Variants in RBFOX1 observed in about 807,000 individuals in gnomAD.
RBFOX1 encodes the protein RNA binding fox-1 homolog 1, also known as RNA binding protein fox-1 homolog 1.
A neutral mutation model predicts 57.7 loss-of-function variants in RBFOX1; 8 were observed. The observed-to-expected ratio is 0.14, with a 90% CI of 0.08 to 0.25. The LOEUF is 0.25. Among genes scored for constraint, RBFOX1 ranks in the 10% least tolerant of loss-of-function variants. The pLI is 1.00. For synonymous variants in RBFOX1, 326 were observed against 222.4 expected (o/e 1.47, Z -4.15); for missense variants, 611 against 548.5 (o/e 1.11, Z -1.14).
At chr16:6,477,749 A>G (rs1247973133) in intron 2 of RBFOX1, among the ~76,000 whole-genome samples, 2 of 152,214 alleles carry the variant, frequency 1.3e-5, no homozygotes, top group Non-Finnish European at 2.9e-5. Flanking sequence ...TATAGATACC[A>G]TCTTCTTCCA....
intron 4 of RBFOX1, among the ~76,000 whole-genome samples, chr16:7,459,320 C>T (rs189715523): frequency 1.3e-5 from 2 of 152,162 alleles, no homozygotes; most frequent in Admixed American, 6.5e-5. Context: ...TCCAGAGATC[C>T]TTTTAACTCA....
intron 2 of RBFOX1, among the ~76,000 whole-genome samples, chr16:6,525,099 C>T (rs73530489): frequency 0.067 from 10,206 of 152,178 alleles, 1,173 homozygotes; most frequent in African/African-American, 0.23. Flanking sequence ...AAATTATCAA[C>T]ACAAAACTGT....
rs141011762 is a variant in RBFOX1 at position 7,673,471 on chromosome 16, C to G, written c.931-3303C>G. Among the ~76,000 whole-genome samples, 1,439 of 152,240 alleles carry G rather than the reference C, an allele frequency of 9.5e-3. 24 individuals carry two copies. Among genetic ancestry groups the G allele is most frequent in the African/African-American group, 0.032 (1,316 of 41,546 alleles). On this transcript the variant is annotated intron_variant, in intron 13 of 15. Transcript: ENST00000550418. ...CCTGTAATCCCAGCACTTTGGGAGG[C>G]TGAATTGGGAGGATCGCTTGATCCC...
chr16:7,361,076 G>A (rs561337932), intron 4 of RBFOX1, among the ~76,000 whole-genome samples: 1 of 152,278 alleles, frequency 6.6e-6, no homozygotes, highest in South Asian at 2.1e-4. Flanking sequence ...CTGCCTGCTG[G>A]GGGTTTCTTG....
chr16:6,570,780 T>A (rs1247774960), intron 2 of RBFOX1, among the ~76,000 whole-genome samples: 17 of 152,216 alleles, frequency 1.1e-4, no homozygotes, highest in Admixed American at 6.5e-5. Flanking sequence ...TGGAAATAGC[T>A]AATATTTTTT....
intron 1 of RBFOX1, among the ~76,000 whole-genome samples, chr16:5,402,887 A>AAGAG (rs1179099193): frequency 6.6e-5 from 10 of 152,194 alleles, no homozygotes; most frequent in Non-Finnish European, 1.5e-5. Context: ...ACTAGTAAAC[A>AAGAG]AGAGAGATAA....
At chr16:7,446,085 G>A (rs982227307) in intron 4 of RBFOX1, among the ~76,000 whole-genome samples, 15 of 152,144 alleles carry the variant, frequency 9.9e-5, no homozygotes, top group Non-Finnish European at 2.2e-4. Flanking sequence ...TGAGATCTGG[G>A]TTAACTGGGA....
chr16:6,853,580 C>T (rs760758917), intron 3 of RBFOX1, among the ~76,000 whole-genome samples: 33 of 152,094 alleles, frequency 2.2e-4, no homozygotes, highest in Non-Finnish European at 3.2e-4. Flanking sequence ...GGTTAGCAAA[C>T]GGATTCCTAC....
chr16:7,052,089 G>A lies in RBFOX1; in HGVS notation c.18G>A (p.Glu6=). The change falls in exon 4 of 16, where the codon GAG becomes GAA. Residue 6 remains glutamate (E), a synonymous_variant. Coordinates refer to ENST00000550418, the MANE Select transcript of RBFOX1 (RefSeq NM_018723.4). The part of the protein sequence containing the change: MNCER[E]QLRGNQEAAA... ...GACAACAGATGAATTGTGAAAGAGA[G>A]CAGCTAAGGGTAGGTGCACCTGCTT... 1.2e-6 allele frequency: 2 copies of A among 1,610,912 alleles called. No homozygotes were observed. The highest frequency in any genetic ancestry group is 1.7e-6 in the Non-Finnish European group (2 of 1,179,104).
chr16:5,457,442 C>A (rs1349996840), intron 1 of RBFOX1, among the ~76,000 whole-genome samples: 5 of 152,176 alleles, frequency 3.3e-5, no homozygotes, highest in African/African-American at 1.2e-4. Context: ...GCCCATCTAT[C>A]TCTTTTTATA....
chr16:5,372,901 C>G (rs1039400475), intron 1 of RBFOX1, among the ~76,000 whole-genome samples: 4 of 152,366 alleles, frequency 2.6e-5, no homozygotes, highest in Middle Eastern at 3.4e-3. Flanking sequence ...GTTAGCATGA[C>G]TTCAGCTTCT....
At chr16:7,571,213 G>GAA (rs144811713) in intron 5 of RBFOX1, among the ~76,000 whole-genome samples, 58,209 of 151,030 alleles carry the variant, frequency 0.39, 11,559 homozygotes, top group South Asian at 0.53. Context: ...ACTTAAGGAA[G>GAA]AAAAAAAAAT....
intron 4 of RBFOX1, among the ~76,000 whole-genome samples, chr16:5,957,299 C>T (rs1300130127): frequency 6.6e-6 from 1 of 152,194 alleles, no homozygotes; most frequent in Non-Finnish European, 1.5e-5. Flanking sequence ...ACTGCAACCT[C>T]CACCTCCGGT....
chr16:5,988,808 C>G (rs1157893182), intron 4 of RBFOX1, among the ~76,000 whole-genome samples: 1 of 152,012 alleles, frequency 6.6e-6, no homozygotes, highest in Non-Finnish European at 1.5e-5. Context: ...TAAAATTCAG[C>G]TTAAATGCAT....
chr16:5,644,862 T>C (rs1174214257), intron 3 of RBFOX1, among the ~76,000 whole-genome samples: 1 of 151,930 alleles, frequency 6.6e-6, no homozygotes, highest in Non-Finnish European at 1.5e-5. Context: ...CATGTGCGAG[T>C]TTTTGTCTGA....
intron 4 of RBFOX1, among the ~76,000 whole-genome samples, chr16:7,069,318 T>G (rs1169486428): frequency 6.6e-6 from 1 of 152,192 alleles, no homozygotes; most frequent in Non-Finnish European, 1.5e-5. Flanking sequence ...AAGCCCTGCG[T>G]GCATTAGCTG....
At position 7,152,470 on chromosome 16, in the gene RBFOX1, A is replaced by C. The variant is rs1015768393; in HGVS notation, c.27+100372A>C. On this transcript the variant is annotated intron_variant, in intron 4 of 15. Transcript: ENST00000550418. Reference sequence around the variant, plus strand: ...TTATCATAGTTCAAAACTCCATTAAAGATTTTATTTCAACTAGGATCTTTA... The same window carrying C: ...TTATCATAGTTCAAAACTCCATTAACGATTTTATTTCAACTAGGATCTTTA... 2.0e-5 allele frequency among the ~76,000 whole-genome samples: 3 copies of C among 152,340 alleles called. No homozygotes were observed. The East Asian group carries it at 5.8e-4, about 29-fold the overall frequency.
chr16:5,749,731 A>C (rs1394102849), intron 3 of RBFOX1, among the ~76,000 whole-genome samples: 1 of 152,090 alleles, frequency 6.6e-6, no homozygotes, highest in Non-Finnish European at 1.5e-5. Flanking sequence ...TCATTTAAGG[A>C]CTTCTCTACA....
intron 3 of RBFOX1, among the ~76,000 whole-genome samples, chr16:6,842,228 G>A (rs987208055): frequency 6.6e-6 from 1 of 152,020 alleles, no homozygotes; most frequent in African/African-American, 2.4e-5. Context: ...AGTCTCAGCT[G>A]AATAATACCT....
Sources: allele counts gnomAD v4.1 joint callset (sites outside exome capture counted in the v4.1 genomes callset), GRCh38; gene constraint gnomAD v4.1.1; transcripts MANE v1.5; gene names NCBI Gene and HGNC (gene_info 2026-07-23, HGNC 2026-07-21).